FLT4: variants seen among roughly 807,000 people sequenced by gnomAD.
The protein encoded by FLT4 is fms related receptor tyrosine kinase 4.
A neutral mutation model predicts 163.2 loss-of-function variants in FLT4; 30 were observed. That is an observed-to-expected ratio of 0.18 (90% CI 0.14 to 0.25). FLT4 has a LOEUF of 0.25. FLT4 is among the 10% of genes least tolerant of loss of function. FLT4 has a pLI of 1.00. For missense variants in FLT4, 1,510 were observed against 1,863.8 expected (o/e 0.81, Z 3.50); for synonymous variants, 884 against 789.5 (o/e 1.12, Z -2.01).
rs796219896 is a variant in FLT4, at chr5:180,615,739, G to A, written c.3219+628C>T. The stretch of plus-strand genomic sequence containing the variant: ...CACTTCCTTTCGGAGCACTGGGCCC[G>A]CCGGTCACCTCCCTTCTCCACTTCC... On this transcript the variant is annotated intron_variant, in intron 23 of 29. Transcript: ENST00000261937. Among the ~76,000 whole-genome samples the A allele has an allele frequency of 3.9e-3, 86 of 21,880 alleles. 1 individual carries two copies. Among genetic ancestry groups the A allele is most frequent in the South Asian group, 6.7e-3 (2 of 298 alleles). The allele number at this position is 21,880 out of a possible 152,430, so 14.4% of individuals were successfully genotyped here.
At position 180,611,614 on chromosome 5, in the gene FLT4, C is replaced by T. The variant is rs368796306; in HGVS notation, c.3538-135G>A. ...AGCCCTCGCCCCCGCACTCAGCTCT[C>T]GCCCCCGCCCTCGCCCTGCCCTCAG... On this transcript the variant is annotated intron_variant, in intron 26 of 29. Coordinates refer to ENST00000261937, the MANE Select transcript of FLT4 (RefSeq NM_182925.5). 159 of 952,734 alleles carry T rather than the reference C, an allele frequency of 1.7e-4. No homozygotes were observed. The East Asian group carries it at 1.8e-3, about 11-fold the overall frequency. The allele number at this position is 952,734 out of a possible 1,614,324, so 59.0% of individuals were successfully genotyped here.
At position 180,621,743 on chromosome 5, in the gene FLT4, G is replaced by C; in HGVS notation, c.1819C>G (p.Leu607Val). The C allele has an allele frequency of 6.2e-7, 1 of 1,613,132 alleles. No homozygotes were observed. Among genetic ancestry groups the C allele is most frequent in the East Asian group, 2.2e-5 (1 of 44,886 alleles). ...TLHDAHGNPL[L>V]LDCKNVHLFA... ...AGATGCACGTTCTTGCAGTCGAGCA[G>C]AAGCGGGTTCCCGTGCGCATCGTGC... The change falls in exon 13 of 30, where the codon CTG (leucine) becomes GTG (valine). Residue 607 changes from leucine to valine, a missense_variant. Physicochemically the swap from Leu to Val is conservative, Grantham distance 32. Transcript: ENST00000261937.
Position 180,610,039 on chromosome 5 carries a change from T to C in FLT4, c.3687-14A>G. The C allele has an allele frequency of 6.2e-7, 1 of 1,613,872 alleles. No individual in the cohort carries two copies. Among genetic ancestry groups the C allele is most frequent in the South Asian group, 1.1e-5 (1 of 91,078 alleles). On this transcript the variant is annotated splice_polypyrimidine_tract_variant and intron_variant, in intron 27 of 29. Transcript: ENST00000261937. The stretch of plus-strand genomic sequence containing the variant: ...CAGTTGTAATACCTGTGGGGAGAAA[T>C]CAGAAGGTGCTGAGGAACGCGCTGC...
Position 180,631,666 on chromosome 5 carries a change from G to A in FLT4, c.155+16C>T, listed in dbSNP as rs1360200560. 5 of 1,594,202 alleles carry A rather than the reference G, an allele frequency of 3.1e-6. No homozygotes were observed. In the South Asian group the frequency reaches 5.5e-5, roughly 18 times the overall value. On this transcript the variant is annotated intron_variant, in intron 2 of 29. Transcript: ENST00000261937. ...TGCAGCCTCTCTGGCCTGCCAGTGG[G>A]AGAGGGACCCAGTACCTGCAGGAGA...
At chr5:180,619,589 T>G (rs1316562791) in intron 18 of FLT4, 76 bp downstream of exon 18, 1 of 1,197,584 alleles carries the variant, frequency 8.4e-7, no homozygotes, top group Non-Finnish European at 1.2e-6. Context: ...CCTTCCCGAG[T>G]TGCCGTCCCA....
chr5:180,639,465 C>T (rs1440406183), intron 1 of FLT4, among the ~76,000 whole-genome samples: 2 of 151,332 alleles, frequency 1.3e-5, no homozygotes, highest in African/African-American at 4.9e-5. Flanking sequence ...GTAGATTGAA[C>T]AGAAGGATGG....
chr5:180,639,088 T>C (rs1581704116), intron 1 of FLT4, among the ~76,000 whole-genome samples: 1 of 151,664 alleles, frequency 6.6e-6, no homozygotes, highest in Non-Finnish European at 1.5e-5. Flanking sequence ...GGTAGGTGGA[T>C]AGGTGGACGC....
chr5:180,608,441 T>C (rs1257977800), intron 29 of FLT4, among the ~76,000 whole-genome samples: 1 of 152,186 alleles, frequency 6.6e-6, no homozygotes, highest in Non-Finnish European at 1.5e-5. Context: ...CACGTCTTGA[T>C]GGTAGGGGTC....
intron 29 of FLT4, among the ~76,000 whole-genome samples, chr5:180,607,096 T>C (rs1761844637): frequency 6.6e-6 from 1 of 151,738 alleles, no homozygotes; most frequent in South Asian, 2.1e-4. Context: ...AAAATAAAAA[T>C]AAAAATAAAA....
Position 180,602,576 on chromosome 5 carries a change from T to C in FLT4, c.*616A>G. The C allele has an allele frequency of 7.4e-6, 3 of 402,778 alleles. No homozygotes were observed. The highest frequency in any genetic ancestry group is 1.3e-5 in the Non-Finnish European group (3 of 228,212). 25.0% of individuals were successfully genotyped at this position (402,778 alleles called of 1,614,324 possible). ...GCGGGCTGCCTCTGTGTTGCCAGCG[T>C]ATAATACTGTCATACTGGTGGCCAC... is the stretch of plus-strand genomic sequence containing the variant. On this transcript the variant is annotated 3_prime_UTR_variant, in exon 30 of 30. Transcript: ENST00000261937.
intron 29 of FLT4, among the ~76,000 whole-genome samples, chr5:180,606,249 C>T (rs915647155): frequency 6.6e-6 from 1 of 151,924 alleles, no homozygotes; most frequent in African/African-American, 2.4e-5. Flanking sequence ...CTGGAACTTT[C>T]TTCTTCCTCT....
chr5:180,630,095 A>G lies in FLT4; in HGVS notation c.524T>C (p.Val175Ala), dbSNP rs1444417967. The G allele has an allele frequency of 1.9e-6, 3 of 1,603,980 alleles. No individual in the cohort carries two copies. The highest frequency in any genetic ancestry group is 2.6e-6 in the Non-Finnish European group (3 of 1,175,642). The change falls in exon 5 of 30, where the codon GTG becomes GCG. Residue 175 changes from valine (V) to alanine (A), a missense_variant. This residue lies in a region of FLT4 where 163 missense variants were observed against 281.1 expected (regional missense o/e 0.58). Coordinates refer to ENST00000261937, the MANE Select transcript of FLT4 (RefSeq NM_182925.5). The surrounding 1 kb of genome is among the most constrained non-coding windows in gnomAD (Gnocchi z 6.3). ...CACCTCCTGCCCGTCTGGCCACAGCACCGAGCTTTGCTGGAGGGACAAGGC... is the reference window on the plus strand; with the variant it reads ...CACCTCCTGCCCGTCTGGCCACAGCGCCGAGCTTTGCTGGAGGGACAAGGC... ...LNVTLRSQSS[V>A]LWPDGQEVVW...
intron 1 of FLT4, 69 bp from the exon 2 acceptor site, chr5:180,631,847 G>A: frequency 9.0e-7 from 1 of 1,117,060 alleles, no homozygotes; most frequent in Non-Finnish European, 1.3e-6. Flanking sequence ...GGGCATGGCT[G>A]GGCATTCTGC....
intron 1 of FLT4, among the ~76,000 whole-genome samples, chr5:180,633,200 G>A (rs893943153): frequency 6.6e-6 from 1 of 152,152 alleles, no homozygotes; most frequent in African/African-American, 2.4e-5. Context: ...TGTGGTCACC[G>A]GTCAATGATC....
intron 1 of FLT4, among the ~76,000 whole-genome samples, chr5:180,647,171 G>C (rs1302292111): frequency 6.6e-6 from 1 of 152,194 alleles, no homozygotes; most frequent in Admixed American, 6.5e-5. Flanking sequence ...CCCTGAGCTG[G>C]TAGCCACAGT....
In FLT4 at chr5:180,623,816, C is replaced by A; in HGVS notation, c.1548+119G>T. On this transcript the variant is annotated intron_variant, in intron 11 of 29. Transcript: ENST00000261937. This position sits in a 1 kb window ranked among gnomAD's most constrained non-coding sequence, Gnocchi z 5.8. ...GCCTACAGACTGCAGGAAGGTCACC[C>A]GCTCTCGGCTGCTCTGCCCAGCACT... 1.5e-6 allele frequency: 2 copies of A among 1,327,468 alleles called. No homozygotes were observed. Among genetic ancestry groups the A allele is most frequent in the Non-Finnish European group, 2.2e-6 (2 of 928,718 alleles). The allele number at this position is 1,327,468 out of a possible 1,614,324, so 82.2% of individuals were successfully genotyped here.
intron 1 of FLT4, among the ~76,000 whole-genome samples, chr5:180,632,803 G>A (rs1318819398): frequency 2.0e-5 from 3 of 152,162 alleles, no homozygotes; most frequent in Non-Finnish European, 4.4e-5. Context: ...TGTGTATGTG[G>A]TGGGATCCCG....
chr5:180,612,751 T>C (rs1268378494), intron 25 of FLT4, 140 bp from the exon 26 acceptor site: 2 of 716,040 alleles, frequency 2.8e-6, no homozygotes, highest in Non-Finnish European at 5.0e-6. Context: ...CTACCCTCGT[T>C]CCTCCTTCAA....
chr5:180,612,368 G>A, intron 26 of FLT4, 138 bp downstream of exon 26: 1 of 720,590 alleles, frequency 1.4e-6, no homozygotes. Context: ...GGTGTGGATA[G>A]GGGCCCAGGA....
Sources: gnomAD v4.1 joint callset for allele counts (sites outside exome capture counted in the v4.1 genomes callset) on GRCh38, gnomAD v4.1.1 for gene constraint, gnomAD v4.1.1 regional missense constraint, Gnocchi (gnomAD v3.1) non-coding constraint, MANE v1.5 for transcripts, NCBI Gene and HGNC (gene_info 2026-07-23, HGNC 2026-07-21) for gene names.